Variants in PRKG1 observed in about 807,000 individuals in gnomAD.
The protein encoded by PRKG1 is protein kinase cGMP-dependent 1, also known as cGMP-dependent protein kinase 1.
PRKG1 carries 35 observed loss-of-function variants against 88.1 expected under a neutral mutation model. The observed-to-expected ratio is 0.40, with a 90% confidence interval of 0.30 to 0.53. The LOEUF (loss-of-function observed/expected upper bound fraction) is 0.53, where lower values mean the gene tolerates loss of function less well. Ranked by LOEUF, PRKG1 falls within the 20% of genes least tolerant of loss-of-function variation. PRKG1 has a pLI of 0.59. For missense variants in PRKG1, 540 were observed against 839.8 expected (o/e 0.64, Z 4.41); for synonymous variants, 303 against 292.5 (o/e 1.04, Z -0.37).
intron 8 of PRKG1, among the ~76,000 whole-genome samples, chr10:52,137,197 G>A (rs1837450730): frequency 2.0e-5 from 3 of 152,034 alleles, no homozygotes; most frequent in Non-Finnish European, 4.4e-5. Flanking sequence ...TCCAGAGGGA[G>A]AGCAAAAGAA....
At chr10:52,088,968 GA>G (rs1846984340) in intron 7 of PRKG1, among the ~76,000 whole-genome samples, 1 of 152,090 alleles carries the variant, frequency 6.6e-6, no homozygotes. Context: ...ATGAGTGATT[GA>G]AACTTTATTT....
intron 1 of PRKG1, among the ~76,000 whole-genome samples, chr10:51,121,041 C>G (rs948432175): frequency 9.2e-5 from 14 of 152,044 alleles, no homozygotes; most frequent in African/African-American, 2.4e-4. Context: ...AGCTCTTGGC[C>G]CCATCCCATC....
At chr10:52,287,775 G>C (rs1047568516) in intron 14 of PRKG1, among the ~76,000 whole-genome samples, 3 of 151,824 alleles carry the variant, frequency 2.0e-5, no homozygotes, top group Non-Finnish European at 4.4e-5. Context: ...TAGCAAAGAG[G>C]ATGCCTAGTG....
chr10:51,729,315 AAC>A (rs1842214176), intron 3 of PRKG1, among the ~76,000 whole-genome samples: 1 of 152,202 alleles, frequency 6.6e-6, no homozygotes. Flanking sequence ...GCATAACTCA[AAC>A]ATTTTTCTAG....
Position 51,699,590 on chromosome 10 carries a change from G to A in PRKG1, c.593-104995G>A, listed in dbSNP as rs73343325. On this transcript the variant is annotated intron_variant, in intron 3 of 17. Coordinates refer to ENST00000373980, the MANE Select transcript of PRKG1 (RefSeq NM_006258.4). ...GACAGCCGATAGCGGATTCTTCGAG[G>A]CGTCTGTCCTCTTGCGACCGACACT... is the stretch of plus-strand genomic sequence containing the variant. The A allele has an allele frequency of 4.4e-3, 6,851 of 1,568,594 alleles. 265 individuals are homozygous for A. In the African/African-American group the frequency reaches 0.076, roughly 17 times the overall value.
chr10:51,124,110 T>C (rs1437766069), intron 1 of PRKG1, among the ~76,000 whole-genome samples: 4 of 152,146 alleles, frequency 2.6e-5, no homozygotes, highest in Non-Finnish European at 5.9e-5. Flanking sequence ...CATGCTCTTT[T>C]CATCCGCATT....
intron 1 of PRKG1, among the ~76,000 whole-genome samples, chr10:51,096,893 T>A (rs961192745): frequency 1.3e-5 from 2 of 152,178 alleles, no homozygotes; most frequent in East Asian, 1.9e-4. Context: ...AGAGGGTAGA[T>A]GCCAGGGATG....
intron 3 of PRKG1, among the ~76,000 whole-genome samples, chr10:51,531,366 A>T (rs1335390520): frequency 6.6e-6 from 1 of 152,164 alleles, no homozygotes; most frequent in Non-Finnish European, 1.5e-5. Flanking sequence ...TAACAAAATA[A>T]AACACTGAAC....
At chr10:51,485,682 A>G (rs1840513022) in intron 3 of PRKG1, among the ~76,000 whole-genome samples, 1 of 152,190 alleles carries the variant, frequency 6.6e-6, no homozygotes, top group Non-Finnish European at 1.5e-5. Context: ...GTTAAATAAC[A>G]TTGTTTGCTT....
chr10:52,183,309 ATGCAAGAAAG>A (rs987071555), intron 9 of PRKG1, among the ~76,000 whole-genome samples: 1 of 151,952 alleles, frequency 6.6e-6, no homozygotes, highest in Non-Finnish European at 1.5e-5. Context: ...AGAGTCATTT[ATGCAAGAAAG>A]TGGGTACAAA....
intron 2 of PRKG1, among the ~76,000 whole-genome samples, chr10:51,407,356 C>T (rs1414446984): frequency 6.6e-6 from 1 of 152,150 alleles, no homozygotes; most frequent in Non-Finnish European, 1.5e-5. Context: ...ACTGGAAACA[C>T]ACCAATCCCC....
chr10:51,478,095 G>C (rs911581859), intron 3 of PRKG1, among the ~76,000 whole-genome samples: 3 of 151,946 alleles, frequency 2.0e-5, no homozygotes, highest in African/African-American at 7.2e-5. Flanking sequence ...TTCTCTCCTG[G>C]CCAGATTTCT....
chr10:51,076,851 A>G (rs1843965904), intron 1 of PRKG1, among the ~76,000 whole-genome samples: 1 of 152,220 alleles, frequency 6.6e-6, no homozygotes, highest in Non-Finnish European at 1.5e-5. Context: ...TTATCTATCA[A>G]ACAACACTGT....
intron 3 of PRKG1, among the ~76,000 whole-genome samples, chr10:51,641,057 GATAAA>G (rs1040638643): frequency 9.0e-6 from 1 of 111,498 alleles, no homozygotes; most frequent in Non-Finnish European, 2.1e-5. Context: ...AATATAATAA[GATAAA>G]AAAAATCAGA....
intron 4 of PRKG1, among the ~76,000 whole-genome samples, chr10:51,832,899 A>C (rs1488753857): frequency 6.6e-6 from 1 of 152,138 alleles, no homozygotes; most frequent in African/African-American, 2.4e-5. Flanking sequence ...TGAAAAGTCT[A>C]TCTGGGTTTA....
intron 1 of PRKG1, among the ~76,000 whole-genome samples, chr10:51,103,421 C>T (rs1373958872): frequency 6.6e-6 from 1 of 151,994 alleles, no homozygotes; most frequent in Non-Finnish European, 1.5e-5. Flanking sequence ...TTTCTTCGAG[C>T]TAAAAAAAAG....
At chr10:51,795,067 T>C (rs1204647666) in intron 3 of PRKG1, among the ~76,000 whole-genome samples, 1 of 152,176 alleles carries the variant, frequency 6.6e-6, no homozygotes, top group Non-Finnish European at 1.5e-5. Context: ...ATTATCCACT[T>C]GGTCCTTCTA....
chr10:52,149,851 T>A (rs897464620), intron 8 of PRKG1, among the ~76,000 whole-genome samples: 8 of 152,038 alleles, frequency 5.3e-5, no homozygotes, highest in Non-Finnish European at 1.0e-4. Flanking sequence ...AAATTATTTA[T>A]CTTAAGGAAT....
intron 2 of PRKG1, among the ~76,000 whole-genome samples, chr10:51,398,033 G>A (rs746118683): frequency 1.9e-4 from 29 of 152,168 alleles, no homozygotes; most frequent in Middle Eastern, 3.4e-3. Flanking sequence ...CTTACCTTCC[G>A]CCACTCACCC....
Sources: gnomAD v4.1 joint callset for allele counts (sites outside exome capture counted in the v4.1 genomes callset) on GRCh38, gnomAD v4.1.1 for gene constraint, MANE v1.5 for transcripts, NCBI Gene and HGNC (gene_info 2026-07-23, HGNC 2026-07-21) for gene names.